PSD3: variants seen among roughly 807,000 people sequenced by gnomAD.
PSD3 encodes the protein pleckstrin and Sec7 domain containing 3, also known as PH and SEC7 domain-containing protein 3.
PSD3 carries 49 observed loss-of-function variants against 105.5 expected under a neutral mutation model. That is an observed-to-expected ratio of 0.46 (90% CI 0.37 to 0.59). The LOEUF (loss-of-function observed/expected upper bound fraction) is 0.59, where lower values mean the gene tolerates loss of function less well. Ranked by LOEUF, PSD3 falls within the 20% of genes least tolerant of loss-of-function variation. PSD3 has a pLI of 0.00. For synonymous variants in PSD3, 557 were observed against 457.8 expected, an observed-to-expected ratio of 1.22 and a Z score of -2.77; for missense variants, 1,561 against 1,263.8, an observed-to-expected ratio of 1.24 and a Z score of -3.57.
chr8:18,630,153 G>A (rs1806789292), intron 11 of PSD3, among the ~76,000 whole-genome samples: 1 of 151,784 alleles, frequency 6.6e-6, no homozygotes, highest in South Asian at 2.1e-4. Flanking sequence ...AGCAGAGGCA[G>A]GTTCCTTTGG....
intron 4 of PSD3, among the ~76,000 whole-genome samples, chr8:18,863,575 G>C (rs1328083500): frequency 6.6e-6 from 1 of 152,122 alleles, no homozygotes; most frequent in Non-Finnish European, 1.5e-5. Context: ...CATTAGGCTG[G>C]TGCAAAAGTA....
At chr8:18,679,554 G>A (rs1182016112) in intron 9 of PSD3, among the ~76,000 whole-genome samples, 1 of 152,116 alleles carries the variant, frequency 6.6e-6, no homozygotes, top group African/African-American at 2.4e-5. Flanking sequence ...CTTCCACAGA[G>A]GAAATAACCC....
intron 1 of PSD3, among the ~76,000 whole-genome samples, chr8:18,944,808 C>T (rs1822760716): frequency 6.6e-6 from 1 of 152,084 alleles, no homozygotes; most frequent in African/African-American, 2.4e-5. Flanking sequence ...TTGGGACTGA[C>T]AGAAGCCTCT....
intron 1 of PSD3, among the ~76,000 whole-genome samples, chr8:19,050,205 T>C (rs190289477): frequency 6.6e-6 from 1 of 152,308 alleles, no homozygotes; most frequent in African/African-American, 2.4e-5. Flanking sequence ...AATGACTCTG[T>C]CATTTCTGGG....
At chr8:18,907,871 T>C (rs1352638301) in intron 2 of PSD3, among the ~76,000 whole-genome samples, 1 of 152,240 alleles carries the variant, frequency 6.6e-6, no homozygotes, top group African/African-American at 2.4e-5. Context: ...CTTTTTTCAA[T>C]AAGTTGAATT....
intron 1 of PSD3, among the ~76,000 whole-genome samples, chr8:18,973,054 G>C (rs1454665407): frequency 6.6e-6 from 1 of 152,192 alleles, no homozygotes; most frequent in Non-Finnish European, 1.5e-5. Context: ...CCTGAGTCTT[G>C]GGGGTTTATT....
intron 12 of PSD3, among the ~76,000 whole-genome samples, chr8:18,592,179 AAG>A (rs1191228884): frequency 6.6e-6 from 1 of 152,316 alleles, no homozygotes; most frequent in African/African-American, 2.4e-5. Flanking sequence ...AATATCAACA[AAG>A]AGAAAATATT....
intron 4 of PSD3, among the ~76,000 whole-genome samples, chr8:18,837,476 G>T (rs775521647): frequency 2.6e-5 from 4 of 152,124 alleles, no homozygotes; most frequent in Non-Finnish European, 5.9e-5. Flanking sequence ...ATCAGAGGGG[G>T]CTCTAAAAGA....
chr8:18,664,553 A>G (rs1194601590), intron 9 of PSD3, among the ~76,000 whole-genome samples: 1 of 152,236 alleles, frequency 6.6e-6, no homozygotes, highest in East Asian at 1.9e-4. Flanking sequence ...TGTAATATAA[A>G]AGTCCAAGGT....
intron 8 of PSD3, among the ~76,000 whole-genome samples, chr8:18,788,620 G>C (rs184779243): frequency 1.3e-5 from 2 of 152,256 alleles, no homozygotes; most frequent in East Asian, 3.9e-4. Context: ...GTCAGGTCTG[G>C]AAGCTTTGCG....
chr8:18,824,070 G>A (rs1223807457), intron 4 of PSD3, among the ~76,000 whole-genome samples: 1 of 152,118 alleles, frequency 6.6e-6, no homozygotes, highest in African/African-American at 2.4e-5. Context: ...CTACTTGGGA[G>A]GCTGAGGCGG....
intron 9 of PSD3, among the ~76,000 whole-genome samples, chr8:18,727,368 G>A (rs1803405728): frequency 6.7e-6 from 1 of 148,332 alleles, no homozygotes; most frequent in Non-Finnish European, 1.5e-5. Flanking sequence ...AATGAGCCAG[G>A]CATGGTGGTG....
intron 9 of PSD3, among the ~76,000 whole-genome samples, chr8:18,737,371 G>A (rs543749419): frequency 1.5e-4 from 23 of 152,296 alleles, no homozygotes; most frequent in Non-Finnish European, 2.6e-4. Context: ...CTGTAGCCCA[G>A]GATGGAATGC....
At chr8:18,821,836 A>C (rs1406183794) in intron 4 of PSD3, among the ~76,000 whole-genome samples, 1 of 122,826 alleles carries the variant, frequency 8.1e-6, no homozygotes, top group Non-Finnish European at 1.6e-5. Flanking sequence ...TTGAGAAGGG[A>C]ATACCCACAC....
At chr8:18,827,050 T>C (rs1209046957) in intron 4 of PSD3, among the ~76,000 whole-genome samples, 1 of 152,152 alleles carries the variant, frequency 6.6e-6, no homozygotes, top group Non-Finnish European at 1.5e-5. Context: ...AGCAGCAGCT[T>C]AAGAGGAAAA....
chr8:18,774,867 G>C (rs1807887717), intron 8 of PSD3: 3 of 456,084 alleles, frequency 6.6e-6, no homozygotes, highest in African/African-American at 2.0e-5. Context: ...AGCTGTCTTA[G>C]CAGCTCCTCT....
In PSD3 at chr8:19,006,250, G is replaced by A. The variant is rs1476936123; in HGVS notation, c.21+7313C>T. Among the ~76,000 whole-genome samples the A allele has an allele frequency of 8.4e-5, 12 of 142,098 alleles. No homozygotes were observed. The East Asian group carries it at 1.5e-3, about 17-fold the overall frequency. 93.2% of individuals were successfully genotyped at this position (142,098 alleles called of 152,430 possible). A position where few individuals can be genotyped will look rare whatever the true frequency, so the allele number is the denominator to read the frequency against. The stretch of plus-strand genomic sequence containing the variant: ...GGGGGTTGCAGTGAGCCGAGATCAC[G>A]CCATTGCACCCCCGGCCTGGGTGAC... On this transcript the variant is annotated intron_variant, in intron 1 of 15. Transcript: ENST00000327040.
intron 2 of PSD3, among the ~76,000 whole-genome samples, chr8:18,915,451 A>T (rs957009347): frequency 6.6e-6 from 1 of 152,216 alleles, no homozygotes; most frequent in Non-Finnish European, 1.5e-5. Flanking sequence ...GTATCTTATA[A>T]GCAGTTAATA....
At chr8:18,641,366 C>T (rs1353608742) in intron 10 of PSD3, among the ~76,000 whole-genome samples, 2 of 152,092 alleles carry the variant, frequency 1.3e-5, no homozygotes, top group African/African-American at 4.8e-5. Context: ...GCTAGGCAGT[C>T]CTGATATCAT....
Sources: gnomAD v4.1 joint callset for allele counts (sites outside exome capture counted in the v4.1 genomes callset) on GRCh38, gnomAD v4.1.1 for gene constraint, MANE v1.5 for transcripts, NCBI Gene and HGNC (gene_info 2026-07-23, HGNC 2026-07-21) for gene names.